Variants in ELL observed in about 807,000 individuals in gnomAD.
The protein encoded by ELL is RNA polymerase II elongation factor ELL.
ELL carries 18 observed loss-of-function variants against 64.0 expected under a neutral mutation model. The observed-to-expected ratio is 0.28, with a 90% CI of 0.19 to 0.42. ELL has a LOEUF of 0.42. Ranked by LOEUF, ELL falls within the 10% of genes least tolerant of loss-of-function variation. The pLI is 1.00. For synonymous variants in ELL, 399 were observed against 376.2 expected (o/e 1.06, Z -0.70); for missense variants, 797 against 870.4 (o/e 0.92, Z 1.06).
chr19:18,470,706 G>T (rs971803804), intron 2 of ELL, among the ~76,000 whole-genome samples: 3 of 152,172 alleles, frequency 2.0e-5, no homozygotes, highest in Non-Finnish European at 2.9e-5. Flanking sequence ...AGCAAGTAAA[G>T]GAGATGACCC....
chr19:18,467,762 C>T (rs148166237), intron 2 of ELL, among the ~76,000 whole-genome samples: 1,577 of 134,736 alleles, frequency 0.012, 28 homozygotes, highest in Non-Finnish European at 0.019. Context: ...CCCCTCCACA[C>T]ACAATCTCCC....
At chr19:18,474,915 G>T (rs548899158) in intron 1 of ELL, among the ~76,000 whole-genome samples, 1 of 152,306 alleles carries the variant, frequency 6.6e-6, no homozygotes, top group Admixed American at 6.5e-5. Context: ...TTGACGTCAG[G>T]AGTTCGAGAC....
intron 1 of ELL, among the ~76,000 whole-genome samples, chr19:18,493,109 G>A (rs970146445): frequency 3.3e-5 from 5 of 152,054 alleles, no homozygotes; most frequent in Admixed American, 6.6e-5. Context: ...CTTCCCCTCC[G>A]AGACCAGACC....
intron 4 of ELL, among the ~76,000 whole-genome samples, chr19:18,462,831 G>A (rs757235154): frequency 1.3e-5 from 2 of 152,098 alleles, no homozygotes; most frequent in African/African-American, 4.8e-5. Context: ...TAAAGATGTC[G>A]GAGCCACTTT....
At chr19:18,452,145 T>C (rs918129370) in intron 6 of ELL, among the ~76,000 whole-genome samples, 16 of 152,280 alleles carry the variant, frequency 1.1e-4, no homozygotes, top group African/African-American at 3.6e-4. Context: ...CCCCAGTGCA[T>C]GCCCCTTCTC....
intron 2 of ELL, among the ~76,000 whole-genome samples, chr19:18,470,315 C>T (rs1046074658): frequency 1.3e-5 from 2 of 152,238 alleles, no homozygotes; most frequent in African/African-American, 4.8e-5. Flanking sequence ...CTGACGGGCT[C>T]GCTGAGATGG....
At chr19:18,493,113 C>A (rs1291220172) in intron 1 of ELL, among the ~76,000 whole-genome samples, 1 of 152,068 alleles carries the variant, frequency 6.6e-6, no homozygotes, top group Admixed American at 6.6e-5. Context: ...CCCTCCGAGA[C>A]CAGACCACAA....
intron 1 of ELL, among the ~76,000 whole-genome samples, chr19:18,515,110 G>C (rs1168809382): frequency 6.6e-6 from 1 of 152,230 alleles, no homozygotes; most frequent in Non-Finnish European, 1.5e-5. Flanking sequence ...TCACAGCCAC[G>C]GCAACCAGCT....
intron 1 of ELL, among the ~76,000 whole-genome samples, chr19:18,505,366 T>A (rs1975860811): frequency 6.6e-6 from 1 of 152,164 alleles, no homozygotes; most frequent in Non-Finnish European, 1.5e-5. Context: ...AGTCACACCC[T>A]CCCACGGGCA....
chr19:18,451,941 G>T (rs999010340), intron 6 of ELL, among the ~76,000 whole-genome samples: 1 of 152,218 alleles, frequency 6.6e-6, no homozygotes, highest in Non-Finnish European at 1.5e-5. Context: ...GCTGGACCCT[G>T]CTTTTAAAGA....
chr19:18,477,010 C>T (rs1291156820), intron 1 of ELL, among the ~76,000 whole-genome samples: 1 of 152,084 alleles, frequency 6.6e-6, no homozygotes, highest in Non-Finnish European at 1.5e-5. Flanking sequence ...AGCAGGAAAA[C>T]GAGACTCCTA....
intron 1 of ELL, among the ~76,000 whole-genome samples, chr19:18,482,482 C>T (rs892282809): frequency 6.6e-6 from 1 of 151,618 alleles, no homozygotes; most frequent in East Asian, 1.9e-4. Context: ...ACTACAGGTG[C>T]GTACTACCAC....
intron 1 of ELL, among the ~76,000 whole-genome samples, chr19:18,502,345 C>A (rs534138207): frequency 6.6e-6 from 1 of 152,122 alleles, no homozygotes; most frequent in Non-Finnish European, 1.5e-5. Context: ...GCACCAACTA[C>A]GTCTTCTGAG....
At chr19:18,483,847 C>A (rs996293429) in intron 1 of ELL, among the ~76,000 whole-genome samples, 1 of 152,226 alleles carries the variant, frequency 6.6e-6, no homozygotes, top group Non-Finnish European at 1.5e-5. Context: ...GCCCTGCCCA[C>A]CCTGCCTGCA....
chr19:18,448,769 CT>C (rs1974467364), intron 8 of ELL: 2 of 152,238 alleles, frequency 1.3e-5, no homozygotes, highest in South Asian at 4.1e-4. Flanking sequence ...AAGTCCAGCC[CT>C]TGGCAAACCT....
At chr19:18,456,128 A>C (rs1342537038) in intron 6 of ELL, among the ~76,000 whole-genome samples, 3 of 151,880 alleles carry the variant, frequency 2.0e-5, no homozygotes, top group Non-Finnish European at 2.9e-5. Context: ...AAAACCAGGA[A>C]GAGGAGGACA....
chr19:18,513,566 CA>C (rs753329154), intron 1 of ELL, among the ~76,000 whole-genome samples: 2 of 152,036 alleles, frequency 1.3e-5, no homozygotes, highest in Non-Finnish European at 2.9e-5. Flanking sequence ...AGGTACATTG[CA>C]GGCTTTCTAC....
chr19:18,518,496 A>T (rs1976178716), intron 1 of ELL, among the ~76,000 whole-genome samples: 1 of 148,970 alleles, frequency 6.7e-6, no homozygotes, highest in Admixed American at 6.7e-5. Flanking sequence ...TCTCAAAAAA[A>T]AAAAAAAAGG....
At chr19:18,454,514 T>G (rs565966352) in intron 6 of ELL, among the ~76,000 whole-genome samples, 2 of 146,732 alleles carry the variant, frequency 1.4e-5, no homozygotes, top group Admixed American at 1.4e-4. Context: ...AATAAAGAAA[T>G]AAATAAAATA....
Sources: allele counts gnomAD v4.1 joint callset (sites outside exome capture counted in the v4.1 genomes callset), GRCh38; gene constraint gnomAD v4.1.1; transcripts MANE v1.5; gene names NCBI Gene and HGNC (gene_info 2026-07-23, HGNC 2026-07-21).